Variants in ITGBL1 observed in about 807,000 individuals in gnomAD.
The protein encoded by ITGBL1 is integrin subunit beta like 1.
In ITGBL1, 51 loss-of-function variants were observed where a neutral mutation model predicts 68.5. The ratio of observed to expected loss-of-function variants is 0.74; its 90% CI spans 0.59 to 0.94. ITGBL1 has a LOEUF of 0.94. Among genes scored for constraint, ITGBL1 ranks in the 40% least tolerant of loss-of-function variants. ITGBL1 has a pLI of 0.00. For synonymous variants in ITGBL1, 209 were observed against 227.3 expected (o/e 0.92, Z 0.72); for missense variants, 649 against 647.4 (o/e 1.00, Z -0.03).
chr13:101,605,774 A>C (rs371277206), intron 7 of ITGBL1, among the ~76,000 whole-genome samples: 21 of 57,662 alleles, frequency 3.6e-4, no homozygotes, highest in Admixed American at 7.3e-4. Context: ...ACACGTGTGT[A>C]GGCATATGTA....
chr13:101,695,990 G>A (rs749545107), intron 8 of ITGBL1, among the ~76,000 whole-genome samples: 13 of 152,122 alleles, frequency 8.5e-5, no homozygotes, highest in Non-Finnish European at 1.9e-4. Flanking sequence ...AGCTGTTTAC[G>A]GAATCATCGG....
chr13:101,624,617 G>A (rs749406119), intron 7 of ITGBL1, among the ~76,000 whole-genome samples: 12 of 152,114 alleles, frequency 7.9e-5, no homozygotes, highest in African/African-American at 2.2e-4. Flanking sequence ...CTGACACAGC[G>A]CTCACTACCC....
At chr13:101,534,751 C>T (rs1325530978) in intron 2 of ITGBL1, among the ~76,000 whole-genome samples, 3 of 152,034 alleles carry the variant, frequency 2.0e-5, no homozygotes, top group Admixed American at 6.6e-5. Context: ...TTTTTAAGGC[C>T]GTAAAGGGCT....
At chr13:101,674,936 C>A (rs1354318128) in intron 7 of ITGBL1, among the ~76,000 whole-genome samples, 1 of 151,778 alleles carries the variant, frequency 6.6e-6, no homozygotes, top group African/African-American at 2.4e-5. Context: ...GATCTTTTAT[C>A]TAATATGTGA....
chr13:101,511,572 G>A (rs187627121), intron 2 of ITGBL1, among the ~76,000 whole-genome samples: 78 of 152,206 alleles, frequency 5.1e-4, no homozygotes, highest in Admixed American at 3.6e-3. Flanking sequence ...AATCAGGTAA[G>A]CCCTTTAAAG....
intron 8 of ITGBL1, among the ~76,000 whole-genome samples, chr13:101,703,481 A>T (rs2034182874): frequency 6.6e-6 from 1 of 152,256 alleles, no homozygotes; most frequent in Admixed American, 6.5e-5. Context: ...AGGCTAGAGT[A>T]GGTAAACTCT....
intron 2 of ITGBL1, among the ~76,000 whole-genome samples, chr13:101,485,066 A>C (rs2048681870): frequency 6.6e-6 from 1 of 152,234 alleles, no homozygotes. Flanking sequence ...GTAGAACAAC[A>C]TCTTTAAAGG....
At chr13:101,655,890 A>G (rs553483181) in intron 7 of ITGBL1, among the ~76,000 whole-genome samples, 12 of 152,352 alleles carry the variant, frequency 7.9e-5, no homozygotes, top group African/African-American at 2.9e-4. Context: ...TCTGAGCCAA[A>G]TATGAGTCGC....
chr13:101,556,137 C>A (rs549954688), intron 2 of ITGBL1, among the ~76,000 whole-genome samples: 3 of 152,220 alleles, frequency 2.0e-5, no homozygotes, highest in African/African-American at 7.2e-5. Context: ...TCATTAGCTC[C>A]TTTTTCACAA....
chr13:101,524,494 A>G (rs539215363), intron 2 of ITGBL1, among the ~76,000 whole-genome samples: 35 of 152,158 alleles, frequency 2.3e-4, no homozygotes, highest in Admixed American at 3.9e-4. Context: ...TTTATTTGGG[A>G]AAGATATTGG....
rs781082960 is a variant in ITGBL1, at chr13:101,454,081, C to G, written c.297C>G (p.Tyr99Ter). 6 of 1,580,516 alleles carry G rather than the reference C, an allele frequency of 3.8e-6. No homozygotes were observed. Among genetic ancestry groups the G allele is most frequent in the South Asian group, 1.2e-5 (1 of 85,446 alleles). ...GCCATGAGTGGGTGTGCGAGACCTA[C>G]GACGGGAGCACCTGTGCAGGTAAGA... ...CECHEWVCETYDGSTCAGHGK... is the reference protein window; with the variant it reads ...CECHEWVCET Residue 99 changes from tyrosine (Y) to a stop codon, truncating the protein, a stop_gained, in exon 2 of 11, where the codon TAC becomes TAG. Transcript: ENST00000376180. LOFTEE classifies it high-confidence loss of function.
intron 6 of ITGBL1, among the ~76,000 whole-genome samples, chr13:101,594,230 A>G (rs1300192347): frequency 6.6e-6 from 1 of 152,174 alleles, no homozygotes; most frequent in Non-Finnish European, 1.5e-5. Flanking sequence ...ACACAAAAAC[A>G]GACACATAGA....
At chr13:101,706,724 CCT>C (rs1245025716) in intron 8 of ITGBL1, 30 bp from the exon 9 acceptor site, 1 of 1,597,472 alleles carries the variant, frequency 6.3e-7, no homozygotes, top group South Asian at 1.1e-5. Flanking sequence ...ATTTCCTCAT[CCT>C]CTCACTCCTT....
At chr13:101,644,449 A>G (rs906500003) in intron 7 of ITGBL1, among the ~76,000 whole-genome samples, 3 of 152,302 alleles carry the variant, frequency 2.0e-5, no homozygotes, top group Non-Finnish European at 2.9e-5. Flanking sequence ...TGCGATGCCT[A>G]TGGACACTGA....
chr13:101,629,324 A>G (rs1402250656), intron 7 of ITGBL1, among the ~76,000 whole-genome samples: 1 of 152,092 alleles, frequency 6.6e-6, no homozygotes, highest in East Asian at 1.9e-4. Context: ...GACATATTTG[A>G]TTTTATTCCT....
chr13:101,694,400 A>G (rs2033955874), intron 8 of ITGBL1, among the ~76,000 whole-genome samples: 1 of 151,776 alleles, frequency 6.6e-6, no homozygotes, highest in South Asian at 2.1e-4. Flanking sequence ...TCTTGTTACC[A>G]TTGTTACTTT....
At chr13:101,652,667 A>G (rs1434830179) in intron 7 of ITGBL1, among the ~76,000 whole-genome samples, 3 of 152,176 alleles carry the variant, frequency 2.0e-5, no homozygotes, top group African/African-American at 7.2e-5. Context: ...CTTTGTTACA[A>G]TTGTTCAAAC....
chr13:101,454,399 T>TCCCCCCCC (rs10524609), intron 2 of ITGBL1, among the ~76,000 whole-genome samples: 1 of 135,812 alleles, frequency 7.4e-6, no homozygotes, highest in Non-Finnish European at 1.7e-5. Flanking sequence ...CCCTGGCTGG[T>TCCCCCCCC]CCCCCCCCCC....
chr13:101,458,876 A>C (rs1016714185), intron 2 of ITGBL1, among the ~76,000 whole-genome samples: 1 of 152,234 alleles, frequency 6.6e-6, no homozygotes, highest in Non-Finnish European at 1.5e-5. Flanking sequence ...GCCCAAAAGC[A>C]TGGCAAGTTA....
Sources: gnomAD v4.1 joint callset for allele counts (sites outside exome capture counted in the v4.1 genomes callset) on GRCh38, gnomAD v4.1.1 for gene constraint, MANE v1.5 for transcripts, NCBI Gene and HGNC (gene_info 2026-07-23, HGNC 2026-07-21) for gene names.